The following YAF2 variants were observed in gnomAD, a reference collection of about 807,000 sequenced individuals.
The protein encoded by YAF2 is YY1 associated factor 2, also known as YY1-associated factor 2.
In YAF2, 7 loss-of-function variants were observed where a neutral mutation model predicts 20.1. That is an observed-to-expected ratio of 0.35 (90% CI 0.20 to 0.65). The LOEUF (loss-of-function observed/expected upper bound fraction) is 0.65, where lower values mean the gene tolerates loss of function less well. YAF2 is among the 30% of genes least tolerant of loss of function. YAF2 has a pLI of 0.69. For missense variants in YAF2, 151 were observed against 219.2 expected, an observed-to-expected ratio of 0.69 and a Z score of 1.96; for synonymous variants, 74 against 76.0, an observed-to-expected ratio of 0.97 and a Z score of 0.14.
chr12:42,179,965 TC>T (rs2066301402), intron 2 of YAF2, among the ~76,000 whole-genome samples: 1 of 152,206 alleles, frequency 6.6e-6, no homozygotes, highest in Admixed American at 6.5e-5. Context: ...ATTAATTTTT[TC>T]TTTTACAATT....
chr12:42,218,041 T>C (rs186619482), intron 2 of YAF2, among the ~76,000 whole-genome samples: 28 of 152,288 alleles, frequency 1.8e-4, no homozygotes, highest in African/African-American at 6.3e-4. Flanking sequence ...TGGCAAACAG[T>C]AAAAAATTCT....
intron 2 of YAF2, among the ~76,000 whole-genome samples, chr12:42,178,179 A>G (rs1404509445): frequency 3.3e-5 from 5 of 152,334 alleles, no homozygotes; most frequent in African/African-American, 1.2e-4. Context: ...ACGTTAAACC[A>G]TCCTACAAAA....
At chr12:42,193,953 TAACA>T (rs1193261505) in intron 2 of YAF2, among the ~76,000 whole-genome samples, 4 of 152,326 alleles carry the variant, frequency 2.6e-5, no homozygotes, top group Admixed American at 6.5e-5. Context: ...TCTTCATTTT[TAACA>T]AACAGTTTAA....
At chr12:42,181,540 T>C (rs2066341927) in intron 2 of YAF2, among the ~76,000 whole-genome samples, 1 of 152,238 alleles carries the variant, frequency 6.6e-6, no homozygotes, top group Non-Finnish European at 1.5e-5. Flanking sequence ...TCTATACCAA[T>C]AGTGGGCTCT....
At chr12:42,235,646 T>G in intron 2 of YAF2, 1 of 1,513,372 alleles carries the variant, frequency 6.6e-7, no homozygotes, top group Non-Finnish European at 8.8e-7. Flanking sequence ...AGATTTCTGG[T>G]GAGTTGCCCA....
chr12:42,232,996 CT>C (rs2068028174), intron 2 of YAF2: 1 of 985,240 alleles, frequency 1.0e-6, no homozygotes, highest in Non-Finnish European at 1.2e-6. Flanking sequence ...ATTTGCAAAA[CT>C]GTAAAATTTT....
chr12:42,196,227 G>GAAAA (rs34267272), intron 2 of YAF2, among the ~76,000 whole-genome samples: 9 of 74,502 alleles, frequency 1.2e-4, no homozygotes, highest in Admixed American at 1.8e-4. Flanking sequence ...AATCCATCTG[G>GAAAA]AAAAAAAAAA....
chr12:42,185,729 GT>G (rs1255829134), intron 2 of YAF2, among the ~76,000 whole-genome samples: 1 of 152,104 alleles, frequency 6.6e-6, no homozygotes, highest in East Asian at 1.9e-4. Flanking sequence ...ATACATTGTT[GT>G]TTTTGGATAT....
chr12:42,182,405 TACAG>T (rs1294036748), intron 2 of YAF2, among the ~76,000 whole-genome samples: 5 of 152,216 alleles, frequency 3.3e-5, no homozygotes, highest in South Asian at 2.1e-4. Flanking sequence ...GTTATGTAAT[TACAG>T]ACAATCTATT....
chr12:42,185,689 ATT>A (rs1592197456), intron 2 of YAF2, among the ~76,000 whole-genome samples: 2 of 152,286 alleles, frequency 1.3e-5, no homozygotes, highest in East Asian at 3.9e-4. Flanking sequence ...GGTCATTTGA[ATT>A]TTTTAGCTAT....
intron 2 of YAF2, among the ~76,000 whole-genome samples, chr12:42,191,796 A>C (rs902911273): frequency 2.0e-5 from 3 of 152,208 alleles, no homozygotes. Flanking sequence ...ATAAGAATCA[A>C]GAAAGATTTG....
intron 2 of YAF2, among the ~76,000 whole-genome samples, chr12:42,172,585 C>T (rs2066077155): frequency 6.6e-6 from 1 of 152,088 alleles, no homozygotes; most frequent in Non-Finnish European, 1.5e-5. Context: ...TACAGAAGCC[C>T]AGAGATAGCA....
At chr12:42,193,318 CAAAA>C (rs35020261) in intron 2 of YAF2, among the ~76,000 whole-genome samples, 1 of 87,178 alleles carries the variant, frequency 1.1e-5, no homozygotes. Context: ...GACTCCCTCT[CAAAA>C]AAAAAAAAAA....
At position 42,172,901 on chromosome 12, in the gene YAF2, T is replaced by C. The variant is rs868017113; in HGVS notation, c.153-11136A>G. On this transcript the variant is annotated intron_variant, in intron 2 of 3. Coordinates refer to ENST00000534854, the MANE Select transcript of YAF2 (RefSeq NM_005748.6). ...AAAACACCAGTCATTAAAGACCACA[T>C]ATTCTTGCATGGTTCTGTTTATATA... Among the ~76,000 whole-genome samples, 4 of 152,328 alleles carry C rather than the reference T, an allele frequency of 2.6e-5. No individual in the cohort carries two copies. In the South Asian group the frequency reaches 8.3e-4, roughly 32 times the overall value.
chr12:42,193,828 C>T (rs774160847), intron 2 of YAF2, among the ~76,000 whole-genome samples: 38 of 152,182 alleles, frequency 2.5e-4, no homozygotes, highest in Admixed American at 1.0e-3. Flanking sequence ...CAGCAGATGA[C>T]GGCTCCATGC....
intron 2 of YAF2, among the ~76,000 whole-genome samples, chr12:42,186,701 A>G (rs2066484627): frequency 6.6e-6 from 1 of 152,136 alleles, no homozygotes; most frequent in Non-Finnish European, 1.5e-5. Context: ...AGAAAGAAAA[A>G]AAGAAAAGAA....
intron 2 of YAF2, chr12:42,235,723 A>C: frequency 6.5e-7 from 1 of 1,534,192 alleles, no homozygotes; most frequent in Non-Finnish European, 8.7e-7. Flanking sequence ...TGTTTCCACC[A>C]CTAAAAATTG....
chr12:42,196,188 C>T (rs1432752430), intron 2 of YAF2, among the ~76,000 whole-genome samples: 2 of 140,306 alleles, frequency 1.4e-5, no homozygotes, highest in Non-Finnish European at 3.0e-5. Context: ...GATCACGCCA[C>T]TGCACTCCAG....
intron 2 of YAF2, among the ~76,000 whole-genome samples, chr12:42,226,896 G>A (rs1205205068): frequency 1.3e-5 from 2 of 150,400 alleles, no homozygotes; most frequent in Non-Finnish European, 3.0e-5. Flanking sequence ...GCCGCGGGCT[G>A]GGGTCGGTGG....
Sources: allele counts gnomAD v4.1 joint callset (sites outside exome capture counted in the v4.1 genomes callset), GRCh38; gene constraint gnomAD v4.1.1; transcripts MANE v1.5; gene names NCBI Gene and HGNC (gene_info 2026-07-23, HGNC 2026-07-21).